Variants in GFI1B observed in about 807,000 individuals in gnomAD.
GFI1B encodes growth factor independent 1B transcriptional repressor.
GFI1B carries 20 observed loss-of-function variants against 35.3 expected under a neutral mutation model. That is an observed-to-expected ratio of 0.57 (90% confidence interval 0.40 to 0.82). GFI1B has a LOEUF of 0.82. Ranked by LOEUF, GFI1B falls within the 40% of genes least tolerant of loss-of-function variation. The pLI, the probability that GFI1B is intolerant of heterozygous loss-of-function variation, is 0.00. For missense variants in GFI1B, 430 were observed against 446.3 expected (o/e 0.96, Z 0.33); for synonymous variants, 178 against 177.6 (o/e 1.00, Z -0.02).
At chr9:132,946,924 A>T (rs571378109) in intron 1 of GFI1B, 1 of 152,442 alleles carries the variant, frequency 6.6e-6, no homozygotes, top group African/African-American at 2.4e-5. Flanking sequence ...TCAATATGGG[A>T]CCACCAGGGG....
chr9:132,987,279 C>T lies in GFI1B; in HGVS notation c.101-3C>T, dbSNP rs1321327103. 1 of 1,613,762 alleles carries T rather than the reference C, an allele frequency of 6.2e-7. No individual in the cohort carries two copies. The highest frequency in any genetic ancestry group is 8.5e-7 in the Non-Finnish European group (1 of 1,179,836). ...TGATGCTGATGGTCCTATCTCCCCACAGTGCCCAGAGACCAGGCTCCAAGC... is the reference window on the plus strand; with the variant it reads ...TGATGCTGATGGTCCTATCTCCCCATAGTGCCCAGAGACCAGGCTCCAAGC... On this transcript the variant is annotated splice_region_variant and splice_polypyrimidine_tract_variant and intron_variant, in intron 2 of 6. Transcript: ENST00000372122.
chr9:132,958,755 A>G (rs542880537), intron 1 of GFI1B, among the ~76,000 whole-genome samples: 70 of 152,330 alleles, frequency 4.6e-4, no homozygotes, highest in African/African-American at 1.5e-3. Flanking sequence ...TGAGGTAGGA[A>G]CTGGGCTAGA....
intron 1 of GFI1B, among the ~76,000 whole-genome samples, chr9:132,984,313 G>A (rs770883464): frequency 2.0e-5 from 3 of 152,116 alleles, no homozygotes; most frequent in Non-Finnish European, 2.9e-5. Flanking sequence ...GGAAGGAAGG[G>A]GGGTGTGGGG....
At chr9:132,960,242 C>T (rs927517622) in intron 1 of GFI1B, among the ~76,000 whole-genome samples, 7 of 152,146 alleles carry the variant, frequency 4.6e-5, no homozygotes, top group South Asian at 2.1e-4. Context: ...ATGGGCTTTA[C>T]GACAGTAGGA....
At chr9:132,983,082 G>A (rs917464434) in intron 1 of GFI1B, among the ~76,000 whole-genome samples, 2 of 152,108 alleles carry the variant, frequency 1.3e-5, no homozygotes, top group African/African-American at 4.8e-5. Context: ...GCTTCCTGAA[G>A]GGAAGTCTGT....
intron 1 of GFI1B, among the ~76,000 whole-genome samples, chr9:132,947,413 A>AAG (rs1491247060): frequency 0.021 from 765 of 35,810 alleles, 11 homozygotes; most frequent in African/African-American, 0.038. Context: ...TTAATCGAGC[A>AAG]AAAAAAAAAA....
Position 132,959,965 on chromosome 9 carries a change from C to T in GFI1B, c.-700-12760C>T, listed in dbSNP as rs114747545. 4.3e-3 allele frequency among the ~76,000 whole-genome samples: 655 copies of T among 152,294 alleles called. 4 individuals carry two copies. The highest frequency in any genetic ancestry group is 0.015 in the African/African-American group (613 of 41,564). On this transcript the variant is annotated intron_variant, in intron 1 of 10. Transcript: ENST00000339463. ...AAGACTCCCTTTCCAAATAAAGTCACGTTCTGCGGTTCCAGGTAGACATGA... is the reference window on the plus strand; with the variant it reads ...AAGACTCCCTTTCCAAATAAAGTCATGTTCTGCGGTTCCAGGTAGACATGA...
intron 1 of GFI1B, among the ~76,000 whole-genome samples, chr9:132,980,724 T>G (rs1411427): frequency 6.6e-6 from 1 of 152,204 alleles, no homozygotes; most frequent in Non-Finnish European, 1.5e-5. Flanking sequence ...TCTGTCTCTA[T>G]GAAATTGCCT....
chr9:132,987,146 G>C lies in GFI1B; in HGVS notation c.101-136G>C. ...CGCCTGCTCTGGGCAGAGCCCGGGA[G>C]TGTGAGCCGCCAGAAGCAGCGGCAC... On this transcript the variant is annotated intron_variant, in intron 2 of 6. Coordinates refer to ENST00000372122, the MANE Select transcript of GFI1B (RefSeq NM_001377304.1). 5 of 978,928 alleles carry C rather than the reference G, an allele frequency of 5.1e-6. No individual in the cohort carries two copies. The South Asian group carries it at 6.9e-5, about 14-fold the overall frequency. 60.6% of individuals were successfully genotyped at this position (978,928 alleles called of 1,614,324 possible).
Position 132,988,258 on chromosome 9 carries a change from A to G in GFI1B, c.300A>G (p.Pro100=), listed in dbSNP as rs746486142. The G allele has an allele frequency of 6.2e-7, 1 of 1,613,922 alleles. No homozygotes were observed. The highest frequency in any genetic ancestry group is 8.5e-7 in the Non-Finnish European group (1 of 1,179,882). Residue 100 remains proline (P), a synonymous_variant, in exon 4 of 7, where the codon CCA becomes CCG. Coordinates refer to ENST00000372122, the MANE Select transcript of GFI1B (RefSeq NM_001377304.1). ...ACTCTCCACTGTCCGACTCACCCCCATTCTACAAGCCTAGCTTCTCCTGGG... is the reference window on the plus strand; with the variant it reads ...ACTCTCCACTGTCCGACTCACCCCCGTTCTACAAGCCTAGCTTCTCCTGGG... ...DGDSPLSDSP[P]FYKPSFSWDT... is the part of the protein sequence containing the mutation.
intron 1 of GFI1B, among the ~76,000 whole-genome samples, chr9:132,983,604 G>A (rs1244372956): frequency 6.6e-6 from 1 of 152,202 alleles, no homozygotes; most frequent in African/African-American, 2.4e-5. Context: ...ACAGTGGCTT[G>A]AGAGTAAAAT....
In GFI1B at chr9:132,988,272, G is replaced by A; in HGVS notation, c.314G>A (p.Ser105Asn). The change falls in exon 4 of 7, where the codon AGC becomes AAC. Residue 105 changes from serine to asparagine, a missense_variant. Coordinates refer to ENST00000372122, the MANE Select transcript of GFI1B (RefSeq NM_001377304.1). ...LSDSPPFYKP[S>N]FSWDTLATTY... ...GACTCACCCCCATTCTACAAGCCTAGCTTCTCCTGGGACACCTTGGCCACA... is the reference window on the plus strand; with the variant it reads ...GACTCACCCCCATTCTACAAGCCTAACTTCTCCTGGGACACCTTGGCCACA... The A allele has an allele frequency of 6.2e-7, 1 of 1,614,130 alleles. No individual in the cohort carries two copies. The highest frequency in any genetic ancestry group is 1.3e-5 in the African/African-American group (1 of 75,028).
At chr9:132,978,616 T>C (rs1848703799), upstream of GFI1B, 2 of 152,162 alleles carry the variant, frequency 1.3e-5, no homozygotes, top group Admixed American at 6.5e-5. Context: ...GCTCTCTTCA[T>C]TGGCTGCTTG....
intron 1 of GFI1B, among the ~76,000 whole-genome samples, chr9:132,979,804 C>T (rs139677403): frequency 6.1e-4 from 93 of 152,292 alleles, no homozygotes; most frequent in African/African-American, 2.2e-3. Context: ...AGGAGGTCTG[C>T]AGAATCGCCG....
chr9:132,979,841 C>G (rs549438779), intron 1 of GFI1B, among the ~76,000 whole-genome samples: 2 of 152,094 alleles, frequency 1.3e-5, no homozygotes, highest in Non-Finnish European at 2.9e-5. Context: ...TACATTTTTC[C>G]GGGGAGAAAG....
intron 1 of GFI1B, among the ~76,000 whole-genome samples, chr9:132,948,519 G>A (rs868260216): frequency 6.6e-6 from 1 of 152,316 alleles, no homozygotes; most frequent in Middle Eastern, 3.4e-3. Flanking sequence ...GACACCACCA[G>A]CCAAAAATAT....
rs141884671 is a variant in GFI1B at position 132,967,699 on chromosome 9, C to A, written c.-700-5026C>A. The stretch of plus-strand genomic sequence containing the variant: ...TCCTTATGTTTAGGAGATACATGCT[C>A]CAGTATGGGTGAAGTGTCATGATAT... On this transcript the variant is annotated intron_variant, in intron 1 of 10. Transcript: ENST00000339463. Among the ~76,000 whole-genome samples the A allele has an allele frequency of 3.2e-3, 482 of 152,226 alleles. 3 individuals are homozygous for A. The highest frequency in any genetic ancestry group is 0.02 in the Middle Eastern group (6 of 294).
upstream of GFI1B, among the ~76,000 whole-genome samples, chr9:132,976,825 C>T (rs915542800): frequency 1.3e-5 from 2 of 152,058 alleles, no homozygotes; most frequent in African/African-American, 4.8e-5. Context: ...GCCTGTAGTC[C>T]CAGCCACTCA....
Position 132,989,077 on chromosome 9 carries a change from A to C in GFI1B, c.527A>C (p.His176Pro). 1 of 1,613,906 alleles carries C rather than the reference A, an allele frequency of 6.2e-7. No homozygotes were observed. The highest frequency in any genetic ancestry group is 8.5e-7 in the Non-Finnish European group (1 of 1,179,900). Residue 176 changes from histidine to proline, a missense_variant, in exon 5 of 7, where the codon CAC (histidine) becomes CCC (proline). His to Pro is a moderately conservative substitution (Grantham distance 77). Transcript: ENST00000372122. The surrounding 1 kb of genome is among the most constrained non-coding windows in gnomAD (Gnocchi z 6.2). ...VKCNKVFSTP[H>P]GLEVHVRRSH... is the part of the protein sequence containing the mutation. ...TGCTCCCAGGTCTTCTCCACCCCTCACGGGCTCGAAGTGCATGTGCGACGC... is the reference window on the plus strand; with the variant it reads ...TGCTCCCAGGTCTTCTCCACCCCTCCCGGGCTCGAAGTGCATGTGCGACGC...
Sources: allele counts gnomAD v4.1 joint callset (sites outside exome capture counted in the v4.1 genomes callset), GRCh38; gene constraint gnomAD v4.1.1; non-coding constraint Gnocchi (gnomAD v3.1); transcripts MANE v1.5; gene names NCBI Gene and HGNC (gene_info 2026-07-23, HGNC 2026-07-21).